DIS3L: variants seen among roughly 807,000 people sequenced by gnomAD.
DIS3L encodes DIS3-like exonuclease 1.
A neutral mutation model predicts 120.3 loss-of-function variants in DIS3L; 100 were observed. The observed-to-expected ratio is 0.83, with a 90% CI of 0.71 to 0.98. The LOEUF is 0.98. Among genes scored for constraint, DIS3L ranks in the 50% least tolerant of loss-of-function variants. DIS3L has a pLI of 0.00. For missense variants in DIS3L, 1,196 were observed against 1,314.2 expected, an observed-to-expected ratio of 0.91 and a Z score of 1.39; for synonymous variants, 426 against 470.6, an observed-to-expected ratio of 0.91 and a Z score of 1.23.
chr15:66,328,266 G>A (rs997868521), intron 12 of DIS3L, among the ~76,000 whole-genome samples: 6 of 152,150 alleles, frequency 3.9e-5, no homozygotes, highest in Admixed American at 1.3e-4. Context: ...TTAACACCTT[G>A]CCTCTCTGTT....
rs771316933 is a variant in DIS3L at position 66,320,585 on chromosome 15, C to G, written c.1179C>G (p.Val393=). 2 of 1,613,444 alleles carry G rather than the reference C, an allele frequency of 1.2e-6. No homozygotes were observed. Among genetic ancestry groups the G allele is most frequent in the Non-Finnish European group, 1.7e-6 (2 of 1,179,792 alleles). The change falls in exon 9 of 17, where the codon GTC becomes GTG. Residue 393 remains valine (V), a synonymous_variant. Coordinates refer to ENST00000319212, the MANE Select transcript of DIS3L (RefSeq NM_001143688.3). The part of the protein sequence containing the change: ...QAETLQDFRV[V]VRIDSWESTS... Reference sequence around the variant, plus strand: ...CTTTTGTGCAGGACTTCAGGGTGGTCGTGCGCATCGATTCCTGGGAGTCAA... The same window carrying G: ...CTTTTGTGCAGGACTTCAGGGTGGTGGTGCGCATCGATTCCTGGGAGTCAA...
At chr15:66,314,948 AG>A in intron 6 of DIS3L, 87 bp from the exon 7 acceptor site, 1 of 1,384,668 alleles carries the variant, frequency 7.2e-7, no homozygotes, top group Non-Finnish European at 1.0e-6. Flanking sequence ...AGTACTGATT[AG>A]ACTTCGAGTA....
At chr15:66,323,893 C>T (rs933719637) in intron 11 of DIS3L, among the ~76,000 whole-genome samples, 1 of 152,154 alleles carries the variant, frequency 6.6e-6, no homozygotes, top group African/African-American at 2.4e-5. Flanking sequence ...TAGCTTTGTG[C>T]TTATGCATTC....
intron 11 of DIS3L, among the ~76,000 whole-genome samples, chr15:66,323,801 T>G (rs534939751): frequency 2.0e-5 from 3 of 152,136 alleles, no homozygotes; most frequent in African/African-American, 7.2e-5. Context: ...CCTCCTCTCT[T>G]CTGTCTGCTA....
intron 2 of DIS3L, among the ~76,000 whole-genome samples, chr15:66,301,764 G>A (rs2092650701): frequency 6.6e-6 from 1 of 152,020 alleles, no homozygotes; most frequent in African/African-American, 2.4e-5. Context: ...AATTATAACT[G>A]TAAGCCCACA....
At chr15:66,332,519 T>TACACAC (rs2093011987) in intron 15 of DIS3L, among the ~76,000 whole-genome samples, 1 of 145,072 alleles carries the variant, frequency 6.9e-6, no homozygotes. Context: ...TGTGTGTATA[T>TACACAC]ATATACACAC....
At chr15:66,304,730 G>A (rs142910616) in intron 2 of DIS3L, among the ~76,000 whole-genome samples, 14,928 of 151,450 alleles carry the variant, frequency 0.099, 763 homozygotes, top group African/African-American at 0.13. Flanking sequence ...GTGAAACCCC[G>A]TCTCTACTAA....
chr15:66,299,809 A>G (rs996767948), intron 2 of DIS3L, among the ~76,000 whole-genome samples: 2 of 152,218 alleles, frequency 1.3e-5, no homozygotes, highest in African/African-American at 4.8e-5. Flanking sequence ...TAATCCTAGC[A>G]TTTTGACAGG....
rs1007525089 is a variant in DIS3L, at chr15:66,313,797, ATATG to A, written c.736-240_736-237del. Among the ~76,000 whole-genome samples, 9 of 140,640 alleles carry A rather than the reference ATATG, an allele frequency of 6.4e-5. No homozygotes were observed. In the East Asian group the frequency reaches 1.6e-3, roughly 24 times the overall value. 92.3% of individuals were successfully genotyped at this position (140,640 alleles called of 152,430 possible). ...TATATATATGTGTGTGTGTATATAT[ATATG>A]TGTGTGTGTGTACATCTCGAAAAAA... On this transcript the variant is annotated intron_variant, in intron 5 of 16. Transcript: ENST00000319212.
intron 4 of DIS3L, among the ~76,000 whole-genome samples, chr15:66,310,094 C>T (rs1051657490): frequency 5.9e-5 from 9 of 152,116 alleles, no homozygotes; most frequent in Admixed American, 4.6e-4. Flanking sequence ...CTTTTTGGTG[C>T]AGAAACTAGA....
chr15:66,294,889 A>T, intron 1 of DIS3L, 99 bp from the exon 2 acceptor site: 2 of 1,251,140 alleles, frequency 1.6e-6, no homozygotes, highest in South Asian at 1.5e-5. Context: ...CCATGGAGTT[A>T]AGACTGGAAG....
rs997479095 is a variant in DIS3L at position 66,320,565 on chromosome 15, G to A, written c.1165-6G>A. 1.2e-6 allele frequency: 2 copies of A among 1,607,070 alleles called. No individual in the cohort carries two copies. The highest frequency in any genetic ancestry group is 4.5e-5 in the East Asian group (2 of 44,722). On this transcript the variant is annotated splice_region_variant and splice_polypyrimidine_tract_variant and intron_variant, in intron 8 of 16. Transcript: ENST00000319212. ...CAGCTGTGTTTTATTTTTTCCTTTT[G>A]TGCAGGACTTCAGGGTGGTCGTGCG... is the stretch of plus-strand genomic sequence containing the variant.
In DIS3L at chr15:66,295,141, G is replaced by A. The variant is rs76770477; in HGVS notation, c.293G>A (p.Arg98Lys). The A allele has an allele frequency of 1.9e-6, 3 of 1,613,104 alleles. No homozygotes were observed. The highest frequency in any genetic ancestry group is 2.2e-5 in the South Asian group (2 of 91,014). ...CQAVQHQRGR[R>K]QYNKLRNLLK... ...GCTGTGCAGCATCAAAGAGGCAGGA[G>A]GTATACGTTTTGCATTCTTTATTTC... Residue 98 changes from arginine (R) to lysine (K), a missense_variant and splice_region_variant, in exon 2 of 17, where the codon AGA becomes AAA. Coordinates refer to ENST00000319212, the MANE Select transcript of DIS3L (RefSeq NM_001143688.3).
chr15:66,331,734 AAAAGT>A, intron 14 of DIS3L, 136 bp from the exon 15 acceptor site: 1 of 956,950 alleles, frequency 1.0e-6, no homozygotes, highest in Non-Finnish European at 1.4e-6. Context: ...AGTTCCCACA[AAAAGT>A]AATTTAATTT....
rs143709249 is a variant in DIS3L at position 66,333,224 on chromosome 15, G to A, written c.3077G>A (p.Arg1026His). 94 of 1,614,062 alleles carry A rather than the reference G, an allele frequency of 5.8e-5. No homozygotes were observed. The highest frequency in any genetic ancestry group is 5.3e-4 in the African/African-American group (40 of 75,010). ...ATTCAGGAGGAATATCAAGAATATC[G>A]CCAAACAAAGGGAAGGAGCCTATAC... ...NIIQEEYQEY[R>H]QTKGRSLYTL... is the part of the protein sequence containing the mutation. The change falls in exon 17 of 17, where the codon CGC becomes CAC. Residue 1026 changes from arginine to histidine, a missense_variant. Coordinates refer to ENST00000319212, the MANE Select transcript of DIS3L (RefSeq NM_001143688.3).
Position 66,333,516 on chromosome 15 carries a change from G to GT in DIS3L, c.*205dup, listed in dbSNP as rs1429275897. ...GAGGCTGAGGCGGGCGGATCACGAGGTCAGGAGATTGAGACCATCCTGGCT... is the reference window on the plus strand; with the variant it reads ...GAGGCTGAGGCGGGCGGATCACGAGGTTCAGGAGATTGAGACCATCCTGGCT... On this transcript the variant is annotated 3_prime_UTR_variant, in exon 17 of 17. Transcript: ENST00000319212. The GT allele has an allele frequency of 2.2e-6, 1 of 450,634 alleles. No homozygotes were observed. The highest frequency in any genetic ancestry group is 4.0e-5 in the Admixed American group (1 of 24,776). 27.9% of individuals were successfully genotyped at this position (450,634 alleles called of 1,614,324 possible).
chr15:66,300,691 G>A (rs968078566), intron 2 of DIS3L, among the ~76,000 whole-genome samples: 1 of 152,132 alleles, frequency 6.6e-6, no homozygotes, highest in Non-Finnish European at 1.5e-5. Flanking sequence ...GGAAGGTAGG[G>A]TCAAGAGTAT....
chr15:66,326,424 AC>A, intron 12 of DIS3L, 60 bp downstream of exon 12: 1 of 1,518,732 alleles, frequency 6.6e-7, no homozygotes, highest in Non-Finnish European at 8.9e-7. Flanking sequence ...TAGTTATCTT[AC>A]AGTTGTTCTT....
chr15:66,293,661 T>C lies in DIS3L; in HGVS notation c.65T>C (p.Val22Ala). 1.4e-6 allele frequency: 2 copies of C among 1,429,976 alleles called. No individual in the cohort carries two copies. Among genetic ancestry groups the C allele is most frequent in the Non-Finnish European group, 1.8e-6 (2 of 1,091,140 alleles). 88.6% of individuals were successfully genotyped at this position (1,429,976 alleles called of 1,614,324 possible). ...RTFQGRTLRI[V>A]REHYLRPCVP... ...TTCCAGGGCCGCACGCTGCGGATCG[T>C]GCGCGAGCACTACCTGCGGCCCTGC... The change falls in exon 1 of 17, where the codon GTG (valine) becomes GCG (alanine). Residue 22 changes from valine (V) to alanine (A), a missense_variant. Val to Ala is a moderately conservative substitution (Grantham distance 64). Coordinates refer to ENST00000319212, the MANE Select transcript of DIS3L (RefSeq NM_001143688.3).
Sources: allele counts gnomAD v4.1 joint callset (sites outside exome capture counted in the v4.1 genomes callset), GRCh38; gene constraint gnomAD v4.1.1; transcripts MANE v1.5; gene names NCBI Gene and HGNC (gene_info 2026-07-23, HGNC 2026-07-21).